SVIL: variants seen among roughly 807,000 people sequenced by gnomAD.
The protein encoded by SVIL is archvillin.
A neutral mutation model predicts 240.4 loss-of-function variants in SVIL; 101 were observed. That is an observed-to-expected ratio of 0.42 (90% CI 0.36 to 0.50). The LOEUF is 0.50. Among genes scored for constraint, SVIL ranks in the 20% least tolerant of loss-of-function variants. SVIL has a pLI of 0.01. For missense variants in SVIL, 2,512 were observed against 2,818.7 expected, an observed-to-expected ratio of 0.89 and a Z score of 2.46; for synonymous variants, 999 against 1,100.0, an observed-to-expected ratio of 0.91 and a Z score of 1.82.
rs201269327 is a variant in SVIL at position 29,495,017 on chromosome 10, C to T, written c.3755-17G>A. 925 of 1,609,628 alleles carry T rather than the reference C, an allele frequency of 5.7e-4. No homozygotes were observed. In the African/African-American group the frequency reaches 5.9e-3, roughly 10 times the overall value. ...CTTCGATATCTAGGCAAGCAGAAAC[C>T]GTCAGTGAGACAGCATCACTAAGGC... On this transcript the variant is annotated splice_polypyrimidine_tract_variant and intron_variant, in intron 19 of 37. Transcript: ENST00000355867.
In SVIL at chr10:29,610,059, G is replaced by A. The variant is rs12245359; in HGVS notation, c.-201+24361C>T. Among the ~76,000 whole-genome samples the A allele has an allele frequency of 8.0e-3, 1,225 of 152,276 alleles. 20 individuals are homozygous for A. The highest frequency in any genetic ancestry group is 0.028 in the African/African-American group (1,164 of 41,562). On this transcript the variant is annotated intron_variant, in intron 1 of 37. Transcript: ENST00000355867. Reference sequence around the variant, plus strand: ...GTAAGGACTGGACAGGCTCATCACCGTGAAGTCAGAGCAACCCCTCACCCT... The same window carrying A: ...GTAAGGACTGGACAGGCTCATCACCATGAAGTCAGAGCAACCCCTCACCCT...
intron 1 of SVIL, among the ~76,000 whole-genome samples, chr10:29,710,680 C>A (rs1302858119): frequency 6.6e-6 from 1 of 152,152 alleles, no homozygotes; most frequent in African/African-American, 2.4e-5. Flanking sequence ...CTTTTCAAAT[C>A]TGCAACAATA....
intron 30 of SVIL, among the ~76,000 whole-genome samples, chr10:29,473,092 G>A (rs925075917): frequency 4.6e-5 from 7 of 152,084 alleles, no homozygotes; most frequent in Admixed American, 2.6e-4. Context: ...GGAGGTGGCC[G>A]TGGAACAGGG....
intron 1 of SVIL, among the ~76,000 whole-genome samples, chr10:29,711,590 G>A (rs946359260): frequency 6.6e-6 from 1 of 152,060 alleles, no homozygotes; most frequent in African/African-American, 2.4e-5. Context: ...GTGAAACTCC[G>A]TTTATACTAA....
intron 16 of SVIL, among the ~76,000 whole-genome samples, chr10:29,517,663 G>T (rs973224750): frequency 6.6e-6 from 1 of 152,154 alleles, no homozygotes; most frequent in African/African-American, 2.4e-5. Context: ...GCCTCCAGCC[G>T]GTCCCTCTAG....
At chr10:29,734,125 G>T (rs1964768654) in intron 1 of SVIL, among the ~76,000 whole-genome samples, 1 of 152,180 alleles carries the variant, frequency 6.6e-6, no homozygotes, top group South Asian at 2.1e-4. Context: ...AGGCCCACCT[G>T]CCTGATGAAA....
At position 29,480,758 on chromosome 10, in the gene SVIL, G is replaced by C; in HGVS notation, c.5156C>G (p.Pro1719Arg). ...CAGGATGGTGCCTGCTGTCGTCTGG[G>C]GCATGGACACCATCCGTGTCACATC... ...AYDVTRMVSMPQTTAGTILDG... is the reference protein window; with the variant it reads ...AYDVTRMVSMRQTTAGTILDG... The change falls in exon 29 of 38, where the codon CCC becomes CGC. Residue 1719 changes from proline to arginine, a missense_variant. Transcript: ENST00000355867. 6.2e-7 allele frequency: 1 copy of C among 1,613,988 alleles called. No individual in the cohort carries two copies. Among genetic ancestry groups the C allele is most frequent in the Admixed American group, 1.7e-5 (1 of 60,024 alleles).
At chr10:29,499,319 C>T (rs1402635765) in intron 17 of SVIL, 56 bp from the exon 18 acceptor site, 6 of 1,606,440 alleles carry the variant, frequency 3.7e-6, no homozygotes, top group East Asian at 2.2e-5. Context: ...GCGGTGTGGA[C>T]CTCAGCCTGC....
chr10:29,671,279 C>T (rs925579125), intron 2 of SVIL, among the ~76,000 whole-genome samples: 4 of 152,208 alleles, frequency 2.6e-5, no homozygotes, highest in African/African-American at 7.2e-5. Flanking sequence ...CTCTTAGTCA[C>T]GTAGCCCCGG....
chr10:29,623,283 A>G (rs1233021037), intron 1 of SVIL, among the ~76,000 whole-genome samples: 1 of 152,244 alleles, frequency 6.6e-6, no homozygotes, highest in Non-Finnish European at 1.5e-5. Flanking sequence ...GGCCACTGCA[A>G]TTCTGACTAA....
rs528457088 is a variant in SVIL at position 29,606,851 on chromosome 10, T to A, written c.-201+27569A>T. ...CTCATGGCAACCTCTGCCTCCTGTG[T>A]TCAAGCAGTTCTCCTGCCTCAGCCT... On this transcript the variant is annotated intron_variant, in intron 1 of 37. Transcript: ENST00000355867. Among the ~76,000 whole-genome samples, 3 of 152,130 alleles carry A rather than the reference T, an allele frequency of 2.0e-5. No individual in the cohort carries two copies. The South Asian group carries it at 6.3e-4, about 32-fold the overall frequency.
chr10:29,550,950 C>T lies in SVIL; in HGVS notation c.474G>A (p.Glu158=), dbSNP rs745750315. Residue 158 remains glutamate, a synonymous_variant, in exon 6 of 38, where the codon GAG becomes GAA. Coordinates refer to ENST00000355867, the MANE Select transcript of SVIL (RefSeq NM_021738.3). ...KRGGKSDKQE[E]SSRDASSLYP... is the part of the protein sequence containing the mutation. ...ACAGAGAACTAGCATCTCTGCTTGA[C>T]TCTTCCTGTTTGTCACTTTTTCCTC... The T allele has an allele frequency of 8.1e-6, 13 of 1,614,152 alleles. No homozygotes were observed. The East Asian group carries it at 1.1e-4, about 14-fold the overall frequency.
At chr10:29,580,830 G>C (rs1955913856) in intron 1 of SVIL, among the ~76,000 whole-genome samples, 1 of 151,958 alleles carries the variant, frequency 6.6e-6, no homozygotes, top group Admixed American at 6.6e-5. Context: ...TTTGAAATTT[G>C]TAGACATGGG....
At chr10:29,500,131 G>A (rs1948759710) in intron 17 of SVIL, among the ~76,000 whole-genome samples, 1 of 152,084 alleles carries the variant, frequency 6.6e-6, no homozygotes, top group Non-Finnish European at 1.5e-5. Context: ...GGGCTGAGGA[G>A]GGAGGGACAG....
intron 25 of SVIL, 44 bp from the exon 26 acceptor site, chr10:29,486,274 A>T (rs769698285): frequency 6.2e-7 from 1 of 1,606,564 alleles, no homozygotes. Context: ...TTTACATTGC[A>T]AAGTAGCTGC....
At chr10:29,475,922 T>C (rs1238045768) in intron 29 of SVIL, among the ~76,000 whole-genome samples, 6 of 152,114 alleles carry the variant, frequency 3.9e-5, no homozygotes, top group Admixed American at 3.3e-4. Context: ...AGGTAGGGGG[T>C]CATATTTATT....
intron 1 of SVIL, among the ~76,000 whole-genome samples, chr10:29,689,734 C>G (rs754426533): frequency 2.0e-5 from 3 of 152,174 alleles, no homozygotes; most frequent in Non-Finnish European, 2.9e-5. Context: ...TTCCAAATAG[C>G]CATTTTTTTG....
At chr10:29,462,197 G>A in intron 36 of SVIL, 80 bp downstream of exon 36, 1 of 1,500,844 alleles carries the variant, frequency 6.7e-7, no homozygotes, top group South Asian at 1.4e-5. Flanking sequence ...AGTGCAATTG[G>A]ATGCTCTCCC....
chr10:29,700,158 T>C (rs1331787063), intron 1 of SVIL, among the ~76,000 whole-genome samples: 1 of 152,174 alleles, frequency 6.6e-6, no homozygotes, highest in African/African-American at 2.4e-5. Context: ...GACAGAAGCT[T>C]GGGAGTTGGC....
Sources: allele counts gnomAD v4.1 joint callset (sites outside exome capture counted in the v4.1 genomes callset), GRCh38; gene constraint gnomAD v4.1.1; transcripts MANE v1.5; gene names NCBI Gene and HGNC (gene_info 2026-07-23, HGNC 2026-07-21).